The following TRAPPC9 variants were observed in gnomAD, a reference collection of about 807,000 sequenced individuals.
TRAPPC9 encodes IKK2 binding protein.
A neutral mutation model predicts 124.0 loss-of-function variants in TRAPPC9; 83 were observed. That is an observed-to-expected ratio of 0.67 (90% CI 0.56 to 0.80). The LOEUF is 0.80. Among genes scored for constraint, TRAPPC9 ranks in the 30% least tolerant of loss-of-function variants. The pLI, the probability that TRAPPC9 is intolerant of heterozygous loss-of-function variation, is 0.00. For synonymous variants in TRAPPC9, 638 were observed against 617.5 expected, an observed-to-expected ratio of 1.03 and a Z score of -0.49; for missense variants, 1,302 against 1,508.3, an observed-to-expected ratio of 0.86 and a Z score of 2.27.
chr8:140,349,423 CG>C (rs1402458517), intron 9 of TRAPPC9, among the ~76,000 whole-genome samples: 1 of 46,512 alleles, frequency 2.1e-5, no homozygotes, highest in Non-Finnish European at 4.7e-5. Flanking sequence ...GGGCACACAG[CG>C]GGGCCGATGG....
chr8:140,063,336 G>A lies in TRAPPC9; in HGVS notation c.2557-39257C>T, dbSNP rs937568094. On this transcript the variant is annotated intron_variant, in intron 17 of 22. Transcript: ENST00000438773. This position sits in a 1 kb window ranked among gnomAD's most constrained non-coding sequence, Gnocchi z 4.3. Reference sequence around the variant, plus strand: ...TCCGCTTCCTGTGCTCTCACCTCACGTCACCACGCAGTCAATTCTCACGTA... The same window carrying A: ...TCCGCTTCCTGTGCTCTCACCTCACATCACCACGCAGTCAATTCTCACGTA... Among the ~76,000 whole-genome samples, 17 of 152,142 alleles carry A rather than the reference G, an allele frequency of 1.1e-4. No individual in the cohort carries two copies. The highest frequency in any genetic ancestry group is 5.8e-4 in the East Asian group (3 of 5,190).
At chr8:140,300,230 T>C (rs539450297) in intron 11 of TRAPPC9, among the ~76,000 whole-genome samples, 1 of 151,040 alleles carries the variant, frequency 6.6e-6, no homozygotes, top group South Asian at 2.1e-4. Flanking sequence ...TAAACACACA[T>C]ATGCATGCAC....
chr8:140,391,451 G>T (rs1035963693), intron 7 of TRAPPC9, among the ~76,000 whole-genome samples: 1 of 152,204 alleles, frequency 6.6e-6, no homozygotes, highest in African/African-American at 2.4e-5. Flanking sequence ...AGTGGCTCAC[G>T]CCTGTAATCC....
chr8:139,990,004 A>G (rs1837522856), intron 18 of TRAPPC9, among the ~76,000 whole-genome samples: 1 of 152,192 alleles, frequency 6.6e-6, no homozygotes, highest in Non-Finnish European at 1.5e-5. Flanking sequence ...TTCTTGGAAG[A>G]GCAGGGTAAA....
chr8:140,002,844 C>CAAAAAAAAAA (rs56895763), intron 18 of TRAPPC9, among the ~76,000 whole-genome samples: 6 of 68,800 alleles, frequency 8.7e-5, no homozygotes, highest in Non-Finnish European at 1.1e-4. Context: ...TTCCACTTAT[C>CAAAAAAAAAA]AAAAAAAAAA....
intron 17 of TRAPPC9, 123 bp downstream of exon 17, chr8:140,221,336 G>T (rs1449396813): frequency 5.0e-6 from 7 of 1,412,998 alleles, no homozygotes; most frequent in African/African-American, 1.4e-5. Flanking sequence ...AGAATACCAA[G>T]AATCCAGCTT....
chr8:139,847,820 G>C lies in TRAPPC9; in HGVS notation c.3055+38059C>G, dbSNP rs533134900. 1.1e-4 allele frequency among the ~76,000 whole-genome samples: 17 copies of C among 152,298 alleles called. No homozygotes were observed. The East Asian group carries it at 2.7e-3, about 24-fold the overall frequency. On this transcript the variant is annotated intron_variant, in intron 21 of 22. Transcript: ENST00000438773. Reference sequence around the variant, plus strand: ...CAAGCACCTGCCTTCCTGACGGCCCGGCCTGGGGATGGGTGTGAGCACCTG... The same window carrying C: ...CAAGCACCTGCCTTCCTGACGGCCCCGCCTGGGGATGGGTGTGAGCACCTG...
At chr8:140,136,185 G>A (rs1252968417) in intron 17 of TRAPPC9, among the ~76,000 whole-genome samples, 1 of 152,082 alleles carries the variant, frequency 6.6e-6, no homozygotes, top group East Asian at 1.9e-4. Flanking sequence ...TGGTGGCTTA[G>A]GGACCAGTGG....
Position 139,919,928 on chromosome 8 carries a change from G to C in TRAPPC9, c.2811-9628C>G, listed in dbSNP as rs189876422. 2.5e-3 allele frequency among the ~76,000 whole-genome samples: 377 copies of C among 152,354 alleles called. 3 individuals carry two copies. Among genetic ancestry groups the C allele is most frequent in the African/African-American group, 7.9e-3 (327 of 41,580 alleles). On this transcript the variant is annotated intron_variant, in intron 19 of 22. Transcript: ENST00000438773. ...GGCACTGCCCGGACCCTTCCGCCTA[G>C]TGCTGGAACCATTTCAACACTCTTC...
chr8:140,311,883 C>T (rs1229465601), intron 9 of TRAPPC9, among the ~76,000 whole-genome samples: 1 of 152,156 alleles, frequency 6.6e-6, no homozygotes, highest in Non-Finnish European at 1.5e-5. Flanking sequence ...CCATCCTGCC[C>T]CCATCCCTTT....
intron 21 of TRAPPC9, among the ~76,000 whole-genome samples, chr8:139,755,359 G>T (rs1410875725): frequency 1.3e-5 from 2 of 148,824 alleles, no homozygotes; most frequent in African/African-American, 2.5e-5. Context: ...AAGGACAGCA[G>T]GTCGCAGGAG....
At position 140,333,495 on chromosome 8, in the gene TRAPPC9, C is replaced by T. The variant is rs927582350; in HGVS notation, c.1496-22121G>A. On this transcript the variant is annotated intron_variant, in intron 9 of 22. Coordinates refer to ENST00000438773, the MANE Select transcript of TRAPPC9 (RefSeq NM_001160372.4). ...GCAACCTCCGCCTCCCAGATTCAAG[C>T]TTCTCCTGCCTCAGCCTCCTCAGTA... Among the ~76,000 whole-genome samples, 6 of 152,108 alleles carry T rather than the reference C, an allele frequency of 3.9e-5. No individual in the cohort carries two copies. In the East Asian group the frequency reaches 1.2e-3, roughly 29 times the overall value.
chr8:140,379,413 T>C (rs1426178063), intron 7 of TRAPPC9, among the ~76,000 whole-genome samples: 2 of 152,168 alleles, frequency 1.3e-5, no homozygotes, highest in Non-Finnish European at 2.9e-5. Flanking sequence ...TGAAGGTGTG[T>C]GTGTGGATGG....
chr8:140,445,038 C>G (rs555203428), intron 2 of TRAPPC9, among the ~76,000 whole-genome samples: 1 of 152,250 alleles, frequency 6.6e-6, no homozygotes, highest in South Asian at 2.1e-4. Flanking sequence ...CCATGTGTCT[C>G]TCTAGTCCAC....
chr8:140,397,009 C>T (rs1356644303), intron 7 of TRAPPC9, among the ~76,000 whole-genome samples: 1 of 152,180 alleles, frequency 6.6e-6, no homozygotes, highest in African/African-American at 2.4e-5. Context: ...CGTTCTCATA[C>T]TCGTCTGGTG....
chr8:139,814,626 A>G (rs186145239), intron 21 of TRAPPC9, among the ~76,000 whole-genome samples: 2 of 152,188 alleles, frequency 1.3e-5, no homozygotes, highest in Non-Finnish European at 1.5e-5. Flanking sequence ...CCAGTTGTAC[A>G]GCCAATAAGT....
chr8:140,186,510 C>T (rs1401629632), intron 17 of TRAPPC9, among the ~76,000 whole-genome samples: 1 of 151,782 alleles, frequency 6.6e-6, no homozygotes, highest in East Asian at 1.9e-4. Flanking sequence ...TGCTTGAACC[C>T]GGGAGGCAGA....
chr8:139,903,332 A>C (rs1293864693), intron 20 of TRAPPC9, among the ~76,000 whole-genome samples: 1 of 152,110 alleles, frequency 6.6e-6, no homozygotes, highest in Non-Finnish European at 1.5e-5. Flanking sequence ...AGAATGGAGG[A>C]GGCGGATGCG....
intron 9 of TRAPPC9, among the ~76,000 whole-genome samples, chr8:140,321,738 C>T (rs965849848): frequency 2.6e-5 from 4 of 152,210 alleles, no homozygotes; most frequent in Non-Finnish European, 2.9e-5. Flanking sequence ...CATTCTCCAA[C>T]GCCTCCTGCA....
Sources: allele counts gnomAD v4.1 joint callset (sites outside exome capture counted in the v4.1 genomes callset), GRCh38; gene constraint gnomAD v4.1.1; non-coding constraint Gnocchi (gnomAD v3.1); transcripts MANE v1.5; gene names NCBI Gene and HGNC (gene_info 2026-07-23, HGNC 2026-07-21).